IRS4: variants seen among roughly 807,000 people sequenced by gnomAD.
IRS4 encodes 160 kDa phosphotyrosine protein.
Under a neutral mutation model 48.6 loss-of-function variants are expected in IRS4, and 15 were observed. The observed-to-expected ratio is 0.31, with a 90% CI of 0.21 to 0.48. IRS4 has a LOEUF of 0.48. IRS4 is among the 20% of genes least tolerant of loss of function. The probability of loss-of-function intolerance (pLI) is 0.99; values close to 1 mark genes in which losing one functional copy is unlikely to be tolerated. For missense variants in IRS4, 987 were observed against 1,023.4 expected, an observed-to-expected ratio of 0.96 and a Z score of 0.49; for synonymous variants, 459 against 413.2, an observed-to-expected ratio of 1.11 and a Z score of -1.34.
rs769548505 is a variant in IRS4, at chrX:108,733,361, C to G, written c.2984G>C (p.Trp995Ser). The change falls in exon 1 of 2, where the codon TGG becomes TCG. Residue 995 changes from tryptophan (W) to serine (S), a missense_variant. Physicochemically the swap from Trp to Ser is radical, Grantham distance 177. Coordinates refer to ENST00000372129, the MANE Select transcript of IRS4 (RefSeq NM_001379150.1). ...ANPLSLDSAR[W>S]PLPPLPLSAT... ...ACTGAGGGGAAGGGGAGGAAGTGGC[C>G]ACCTAGCACTGTCCAGAGATAAGGG... The G allele has an allele frequency of 1.7e-5, 21 of 1,211,779 alleles. No individual in the cohort carries two copies. The highest frequency in any genetic ancestry group is 2.1e-5 in the Non-Finnish European group (19 of 895,517).
At position 108,734,703 on chromosome X, in the gene IRS4, C is replaced by T. The variant is rs924430223; in HGVS notation, c.1642G>A (p.Asp548Asn). ...QGSGGNQCSR[D>N]GQGTAGGHGS... ...TGCCCACCTGCGGTGCCCTGGCCATCTCTAGAGCACTGGTTTCCTCCTGAG... is the reference window on the plus strand; with the variant it reads ...TGCCCACCTGCGGTGCCCTGGCCATTTCTAGAGCACTGGTTTCCTCCTGAG... The change falls in exon 1 of 2, where the codon GAT becomes AAT. Residue 548 changes from aspartate (D) to asparagine (N), a missense_variant. By Grantham distance (23) the Asp-to-Asn change is conservative. Transcript: ENST00000372129. 5 of 1,208,607 alleles carry T rather than the reference C, an allele frequency of 4.1e-6. No individual in the cohort carries two copies. The African/African-American group carries it at 5.3e-5, about 13-fold the overall frequency.
At chrX:108,727,892 C>T (rs2068882895) in intron 1 of IRS4, among the ~76,000 whole-genome samples, 2 of 112,366 alleles carry the variant, frequency 1.8e-5, no homozygotes, top group African/African-American at 6.5e-5. Flanking sequence ...TCTATTGCTA[C>T]ACTGCTTATT....
In IRS4 at chrX:108,735,718, G is replaced by T; in HGVS notation, c.627C>A (p.Leu209=). 1 of 1,181,882 alleles carries T rather than the reference G, an allele frequency of 8.5e-7. No homozygotes were observed. The highest frequency in any genetic ancestry group is 3.1e-5 in the East Asian group (1 of 31,914). The change falls in exon 1 of 2, where the codon CTC becomes CTA. Residue 209 remains leucine (L), a synonymous_variant. Coordinates refer to ENST00000372129, the MANE Select transcript of IRS4 (RefSeq NM_001379150.1). ...CCGGCTCTCCGTCCGGCTGCGCGCCGAGCGTGCCGCAGCGGCGGCGCTTGC... is the reference window on the plus strand; with the variant it reads ...CCGGCTCTCCGTCCGGCTGCGCGCCTAGCGTGCCGCAGCGGCGGCGCTTGC... ...LESKRRRCGT[L]GAQPDGEPAA...
chrX:108,732,344 T>C (rs1433173012), intron 1 of IRS4: 1 of 433,082 alleles, frequency 2.3e-6, no homozygotes, highest in Non-Finnish European at 3.7e-6. Context: ...CCTAAAAAAG[T>C]AGAACCAGTG....
In IRS4 at chrX:108,734,262, C is replaced by T. The variant is rs772605954; in HGVS notation, c.2083G>A (p.Asp695Asn). The change falls in exon 1 of 2, where the codon GAT becomes AAT. Residue 695 changes from aspartate (D) to asparagine (N), a missense_variant. By Grantham distance (23) the Asp-to-Asn change is conservative (BLOSUM62 1). Transcript: ENST00000372129. Reference sequence around the variant, plus strand: ...ATTGGCACGTATGGGTCATCCTCATCTTCATCAAAAGCTCTGGCTCTGTGG... The same window carrying T: ...ATTGGCACGTATGGGTCATCCTCATTTTCATCAAAAGCTCTGGCTCTGTGG... ...GPHRARAFDE[D>N]EDDPYVPMRP... 3 of 1,209,189 alleles carry T rather than the reference C, an allele frequency of 2.5e-6. No individual in the cohort carries two copies. Among genetic ancestry groups the T allele is most frequent in the Non-Finnish European group, 3.4e-6 (3 of 895,015 alleles).
intron 1 of IRS4, among the ~76,000 whole-genome samples, chrX:108,730,424 A>C (rs964290974): frequency 2.8e-5 from 3 of 108,564 alleles, no homozygotes; most frequent in African/African-American, 1.0e-4. Context: ...ATTTTGCAAG[A>C]AACTGAATCA....
Position 108,734,476 on chromosome X carries a change from C to T in IRS4, c.1869G>A (p.Lys623=). 1.7e-6 allele frequency: 2 copies of T among 1,211,596 alleles called. No homozygotes were observed. Among genetic ancestry groups the T allele is most frequent in the Non-Finnish European group, 2.2e-6 (2 of 895,494 alleles). Residue 623 remains lysine, a synonymous_variant, in exon 1 of 2, where the codon AAG becomes AAA. Coordinates refer to ENST00000372129, the MANE Select transcript of IRS4 (RefSeq NM_001379150.1). ...GTGGAGGTGGTGGCATTTGCTGTTG[C>T]TTGCTTTGAGTTAATTTGCCAAAAT... ...RSYFGKLTQS[K]QQQMPPPPPP... is the part of the protein sequence containing the mutation.
rs1210600675 is a variant in IRS4, at chrX:108,736,444, C to G, written c.-100G>C. On this transcript the variant is annotated 5_prime_UTR_variant, in exon 1 of 2. Transcript: ENST00000372129. ...GTCTACCCTCGTCTGCCCGCCCCAG[C>G]CCCCTCCTGCCTTGGCCCGCGCCCC... is the stretch of plus-strand genomic sequence containing the variant. The G allele has an allele frequency of 2.6e-6, 3 of 1,142,525 alleles. No homozygotes were observed. Among genetic ancestry groups the G allele is most frequent in the Non-Finnish European group, 3.5e-6 (3 of 855,347 alleles). 94.2% of individuals were successfully genotyped at this position (1,142,525 alleles called of 1,213,427 possible). A position where few individuals can be genotyped will look rare whatever the true frequency, so the allele number is the denominator to read the frequency against.
Position 108,735,049 on chromosome X carries a change from A to G in IRS4, c.1296T>C (p.Phe432=). 1 of 1,211,265 alleles carries G rather than the reference A, an allele frequency of 8.3e-7. No individual in the cohort carries two copies. The highest frequency in any genetic ancestry group is 1.1e-6 in the Non-Finnish European group (1 of 895,411). The part of the protein sequence containing the change: ...SRRAVSVPAS[F]FRRLAPSPAR... Reference sequence around the variant, plus strand: ...CTGGGCTGGGTGCTAAGCGGCGAAAAAAGCTGGCCGGCACTGAAACCGCTC... The same window carrying G: ...CTGGGCTGGGTGCTAAGCGGCGAAAGAAGCTGGCCGGCACTGAAACCGCTC... The change falls in exon 1 of 2, where the codon TTT becomes TTC. Residue 432 remains phenylalanine, a synonymous_variant. Transcript: ENST00000372129.
At chrX:108,722,679 G>A (rs1276586087) in intron 1 of IRS4, 156 bp from the exon 2 acceptor site, 2 of 228,706 alleles carry the variant, frequency 8.7e-6, no homozygotes, top group African/African-American at 5.7e-5. Context: ...GCATGGACAT[G>A]GTTAATCAAC....
At position 108,733,343 on chromosome X, in the gene IRS4, G is replaced by C. The variant is rs146350531; in HGVS notation, c.3002C>G (p.Pro1001Arg). ...AGCATTGCTACCTGTAGCACTGAGG[G>C]GAAGGGGAGGAAGTGGCCACCTAGC... ...DSARWPLPPLPLSATGSNAIE... is the reference protein window; with the variant it reads ...DSARWPLPPLRLSATGSNAIE... The change falls in exon 1 of 2, where the codon CCC becomes CGC. Residue 1001 changes from proline (P) to arginine (R), a missense_variant. Pro to Arg is a moderately radical substitution (Grantham distance 103, BLOSUM62 -2). Coordinates refer to ENST00000372129, the MANE Select transcript of IRS4 (RefSeq NM_001379150.1). 9.7e-5 allele frequency: 117 copies of C among 1,210,148 alleles called. 1 individual carries two copies. In the South Asian group the frequency reaches 1.6e-3, roughly 16 times the overall value.
intron 1 of IRS4, among the ~76,000 whole-genome samples, chrX:108,730,155 A>C (rs2068892882): frequency 8.9e-6 from 1 of 111,776 alleles, no homozygotes; most frequent in South Asian, 3.7e-4. Flanking sequence ...AATGAGTGAA[A>C]ATTATTCTAC....
intron 1 of IRS4, among the ~76,000 whole-genome samples, chrX:108,725,629 C>T (rs28581657): frequency 0.015 from 1,676 of 110,910 alleles, 26 homozygotes; most frequent in African/African-American, 0.052. Flanking sequence ...TTTCTGTGCC[C>T]TGTGATTGTA....
In IRS4 at chrX:108,736,310, G is replaced by A. The variant is rs1394223821; in HGVS notation, c.35C>T (p.Thr12Ile). ...CGCTGCTGCACCTCTTAGTCTTCTT[G>A]TCGCTTGGTCGCGAGTGAAGGAGCA... Reference protein sequence around the residue: ...ASCSFTRDQATRRLRGAAAAA... With the variant: ...ASCSFTRDQAIRRLRGAAAAA... The change falls in exon 1 of 2, where the codon ACA becomes ATA. Residue 12 changes from threonine (T) to isoleucine (I), a missense_variant. Thr to Ile is a moderately conservative substitution (Grantham distance 89, BLOSUM62 -1). Transcript: ENST00000372129. The A allele has an allele frequency of 8.3e-7, 1 of 1,211,380 alleles. No individual in the cohort carries two copies. The highest frequency in any genetic ancestry group is 1.1e-6 in the Non-Finnish European group (1 of 895,482).
Position 108,735,991 on chromosome X carries a change from G to A in IRS4, c.354C>T (p.Phe118=). 8.3e-7 allele frequency: 1 copy of A among 1,210,409 alleles called. No individual in the cohort carries two copies. The highest frequency in any genetic ancestry group is 1.1e-6 in the Non-Finnish European group (1 of 895,223). The part of the protein sequence containing the change: ...RLEYYENARK[F]RHSVRAAAAA... ...CCGCCGCGGCGCGGACACTGTGCCG[G>A]AACTTCCTGGCATTTTCGTAGTATT... Residue 118 remains phenylalanine (F), a synonymous_variant, in exon 1 of 2, where the codon TTC becomes TTT. Coordinates refer to ENST00000372129, the MANE Select transcript of IRS4 (RefSeq NM_001379150.1).
chrX:108,727,228 G>T (rs1380962044), intron 1 of IRS4, among the ~76,000 whole-genome samples: 1 of 112,161 alleles, frequency 8.9e-6, no homozygotes, highest in Middle Eastern at 4.6e-3. Flanking sequence ...CATTCTAAAA[G>T]AAATTAATTA....
intron 1 of IRS4, among the ~76,000 whole-genome samples, chrX:108,727,128 C>T (rs1013381377): frequency 1.8e-5 from 2 of 111,941 alleles, no homozygotes; most frequent in African/African-American, 6.5e-5. Context: ...CAATGCAACC[C>T]TAACCAATAA....
rs1218749097 is a variant in IRS4 at position 108,735,829 on chromosome X, G to A, written c.516C>T (p.Thr172=). ...CCACCATCGCGAAGTATTCGTCTTG[G>A]GTGAAAAGAGCAATGAGGTGTCGGT... ...ARYRHLIALF[T]QDEYFAMVAE... is the part of the protein sequence containing the mutation. Residue 172 remains threonine, a synonymous_variant, in exon 1 of 2, where the codon ACC becomes ACT. Coordinates refer to ENST00000372129, the MANE Select transcript of IRS4 (RefSeq NM_001379150.1). The A allele has an allele frequency of 1.7e-6, 2 of 1,205,966 alleles. No individual in the cohort carries two copies. Among genetic ancestry groups the A allele is most frequent in the African/African-American group, 1.8e-5 (1 of 56,312 alleles).
At position 108,733,062 on chromosome X, in the gene IRS4, C is replaced by A; in HGVS notation, c.3283G>T (p.Ala1095Ser). ...PQSRSQSFFA[A>S]ARAAVSAFPT... ...AAAGCAGAGACAGCGGCTCTGGCTG[C>A]TGCAAAGAAACTTTGAGAACGGCTT... Residue 1095 changes from alanine to serine, a missense_variant, in exon 1 of 2, where the codon GCA becomes TCA. This residue lies in a region of IRS4 where 720 missense variants were observed against 660.3 expected (regional missense o/e 1.09). Transcript: ENST00000372129. 2 of 1,211,899 alleles carry A rather than the reference C, an allele frequency of 1.7e-6. No homozygotes were observed. Among genetic ancestry groups the A allele is most frequent in the Non-Finnish European group, 2.2e-6 (2 of 895,490 alleles).
Sources: gnomAD v4.1 joint callset for allele counts (sites outside exome capture counted in the v4.1 genomes callset) on GRCh38, gnomAD v4.1.1 for gene constraint, gnomAD v4.1.1 regional missense constraint, MANE v1.5 for transcripts, NCBI Gene and HGNC (gene_info 2026-07-23, HGNC 2026-07-21) for gene names.